The following SPSB1 variants were observed in gnomAD, a reference collection of about 807,000 sequenced individuals.
SPSB1 encodes SPRY domain-containing SOCS box protein 1.
SPSB1 carries 8 observed loss-of-function variants against 21.2 expected under a neutral mutation model. That is an observed-to-expected ratio of 0.38 (90% CI 0.22 to 0.68). The LOEUF is 0.68. SPSB1 is among the 30% of genes least tolerant of loss of function. The pLI, the probability that SPSB1 is intolerant of heterozygous loss-of-function variation, is 0.53. For synonymous variants in SPSB1, 169 were observed against 161.7 expected, an observed-to-expected ratio of 1.05 and a Z score of -0.34; for missense variants, 242 against 377.8, an observed-to-expected ratio of 0.64 and a Z score of 2.98.
Position 9,362,091 on chromosome 1 carries a change from C to T in SPSB1, c.695-5357C>T, listed in dbSNP as rs1338578733. ...TCTCCTCAAGATCAGAGCCTCCTCCCGGGTGCCTCCTTCCTGCACTCCACT... is the reference window on the plus strand; with the variant it reads ...TCTCCTCAAGATCAGAGCCTCCTCCTGGGTGCCTCCTTCCTGCACTCCACT... On this transcript the variant is annotated intron_variant, in intron 2 of 2. Transcript: ENST00000328089. Among the ~76,000 whole-genome samples, 15 of 152,348 alleles carry T rather than the reference C, an allele frequency of 9.8e-5. 1 individual carries two copies. The South Asian group carries it at 1.9e-3, about 19-fold the overall frequency.
At chr1:9,338,643 G>C (rs776804247) in intron 1 of SPSB1, among the ~76,000 whole-genome samples, 3 of 152,270 alleles carry the variant, frequency 2.0e-5, no homozygotes, top group Non-Finnish European at 4.4e-5. Flanking sequence ...AAGGGTCTGG[G>C]AAGGGAATCG....
Position 9,356,735 on chromosome 1 carries a change from C to A in SPSB1, c.694+150C>A. 1 of 1,310,016 alleles carries A rather than the reference C, an allele frequency of 7.6e-7. No individual in the cohort carries two copies. Among genetic ancestry groups the A allele is most frequent in the Non-Finnish European group, 1.0e-6 (1 of 995,020 alleles). 81.1% of individuals were successfully genotyped at this position (1,310,016 alleles called of 1,614,324 possible). A position where few individuals can be genotyped will look rare whatever the true frequency, so the allele number is the denominator to read the frequency against. On this transcript the variant is annotated intron_variant, in intron 2 of 2. Coordinates refer to ENST00000328089, the MANE Select transcript of SPSB1 (RefSeq NM_025106.4). This position sits in a 1 kb window ranked among gnomAD's most constrained non-coding sequence, Gnocchi z 7.4. ...AGACCCTCAGAGGCAACTTTTGCAT[C>A]GGGTTAAGTGAGGAATTCTACCCAG...
chr1:9,362,307 G>A (rs1240653901), intron 2 of SPSB1, among the ~76,000 whole-genome samples: 1 of 152,220 alleles, frequency 6.6e-6, no homozygotes, highest in Non-Finnish European at 1.5e-5. Context: ...GGGGGGATAG[G>A]GGACCAAGGG....
chr1:9,347,576 G>A (rs568498752), intron 1 of SPSB1, among the ~76,000 whole-genome samples: 34 of 152,298 alleles, frequency 2.2e-4, no homozygotes, highest in African/African-American at 7.2e-4. Context: ...TTTCAGAAAC[G>A]GCATCATGAT....
chr1:9,309,613 C>T (rs563713939), intron 1 of SPSB1, among the ~76,000 whole-genome samples: 85 of 152,236 alleles, frequency 5.6e-4, no homozygotes, highest in African/African-American at 1.9e-3. Flanking sequence ...GAGGCCGAGA[C>T]GGGTGGATCA....
At position 9,356,591 on chromosome 1, in the gene SPSB1, T is replaced by C. The variant is rs1180898567; in HGVS notation, c.694+6T>C. The C allele has an allele frequency of 1.3e-6, 2 of 1,577,184 alleles. No homozygotes were observed. Among genetic ancestry groups the C allele is most frequent in the Non-Finnish European group, 1.7e-6 (2 of 1,157,616 alleles). On this transcript the variant is annotated splice_donor_region_variant and intron_variant, in intron 2 of 2. Transcript: ENST00000328089. This position sits in a 1 kb window ranked among gnomAD's most constrained non-coding sequence, Gnocchi z 7.4. The stretch of plus-strand genomic sequence containing the variant: ...CTACTTGAACGGACTCGATCGTAAG[T>C]GTCTCCTCTGCTGTCAGAGGCAATG...
chr1:9,323,231 G>A (rs937489214), intron 1 of SPSB1, among the ~76,000 whole-genome samples: 1 of 152,236 alleles, frequency 6.6e-6, no homozygotes, highest in Non-Finnish European at 1.5e-5. Context: ...GGCTGGGCTG[G>A]CGGCTTTGAG....
intron 2 of SPSB1, among the ~76,000 whole-genome samples, chr1:9,364,850 T>C (rs191687280): frequency 4.2e-4 from 60 of 142,450 alleles, no homozygotes; most frequent in Non-Finnish European, 7.1e-4. Context: ...TTGTTGTCGT[T>C]GTTGTTGTTG....
In SPSB1 at chr1:9,346,255, C is replaced by T. The variant is rs1379601264; in HGVS notation, c.-149-9488C>T. Among the ~76,000 whole-genome samples the T allele has an allele frequency of 6.6e-6, 1 of 152,240 alleles. No individual in the cohort carries two copies. The highest frequency in any genetic ancestry group is 1.5e-5 in the Non-Finnish European group (1 of 68,050). On this transcript the variant is annotated intron_variant, in intron 1 of 2. Transcript: ENST00000328089. This position sits in a 1 kb window ranked among gnomAD's most constrained non-coding sequence, Gnocchi z 4.4. ...GAAAGGAGGCTTTATAAATAGGTCA[C>T]CTTGTTCCACATCCTGAATTTCATT...
At chr1:9,325,328 G>A (rs564354662) in intron 1 of SPSB1, among the ~76,000 whole-genome samples, 1 of 152,150 alleles carries the variant, frequency 6.6e-6, no homozygotes. Context: ...GGCTGTGTGG[G>A]ATTGAGCTCT....
At chr1:9,339,206 T>C in intron 1 of SPSB1, 1 of 985,354 alleles carries the variant, frequency 1.0e-6, no homozygotes, top group Non-Finnish European at 1.2e-6. Flanking sequence ...CCTGTGGGGC[T>C]TTTCTCCTGG....
intron 1 of SPSB1, among the ~76,000 whole-genome samples, chr1:9,298,762 C>T (rs1328188884): frequency 3.3e-5 from 5 of 152,208 alleles, no homozygotes; most frequent in East Asian, 1.9e-4. Flanking sequence ...TGGTGGCTCC[C>T]GTGGATCCCT....
intron 1 of SPSB1, among the ~76,000 whole-genome samples, chr1:9,308,235 G>A (rs1281932351): frequency 6.6e-6 from 1 of 152,188 alleles, no homozygotes; most frequent in South Asian, 2.1e-4. Flanking sequence ...AGTGCTGTTG[G>A]GGCAGTGCTG....
intron 1 of SPSB1, among the ~76,000 whole-genome samples, chr1:9,326,664 T>C (rs1399536610): frequency 1.3e-5 from 2 of 152,178 alleles, no homozygotes; most frequent in African/African-American, 4.8e-5. Flanking sequence ...AAGAAGCCAC[T>C]GAGGCTAAGC....
rs974889448 is a variant in SPSB1 at position 9,294,284 on chromosome 1, G to C, written c.-150+1213G>C. Among the ~76,000 whole-genome samples the C allele has an allele frequency of 9.2e-5, 14 of 151,958 alleles. 1 individual carries two copies. The East Asian group carries it at 2.1e-3, about 23-fold the overall frequency. On this transcript the variant is annotated intron_variant, in intron 1 of 2. Transcript: ENST00000328089. The stretch of plus-strand genomic sequence containing the variant: ...CACGTGTCTCTGTGTCTGTCTCTGT[G>C]TCTGTGTCTCTGAGTGCGTCTGTGT...
chr1:9,323,095 G>A (rs555334642), intron 1 of SPSB1, among the ~76,000 whole-genome samples: 171 of 152,300 alleles, frequency 1.1e-3, no homozygotes, highest in African/African-American at 4.0e-3. Flanking sequence ...CCCAGCTCCG[G>A]CCTTCGAGGA....
intron 1 of SPSB1, among the ~76,000 whole-genome samples, chr1:9,338,628 T>A (rs924241228): frequency 4.6e-5 from 7 of 152,252 alleles, no homozygotes; most frequent in African/African-American, 7.2e-5. Flanking sequence ...TGGTCACAGC[T>A]GGAAAAGGGT....
intron 1 of SPSB1, among the ~76,000 whole-genome samples, chr1:9,328,246 G>C (rs1236100653): frequency 6.6e-6 from 1 of 152,212 alleles, no homozygotes; most frequent in Non-Finnish European, 1.5e-5. Context: ...TGAAACAGCT[G>C]AGCCCAAAGA....
At chr1:9,320,813 T>C (rs936837576) in intron 1 of SPSB1, among the ~76,000 whole-genome samples, 23 of 152,146 alleles carry the variant, frequency 1.5e-4, no homozygotes, top group African/African-American at 5.5e-4. Flanking sequence ...TTTAAATTTA[T>C]GTCACTGGTG....
Sources: allele counts gnomAD v4.1 joint callset (sites outside exome capture counted in the v4.1 genomes callset), GRCh38; gene constraint gnomAD v4.1.1; non-coding constraint Gnocchi (gnomAD v3.1); transcripts MANE v1.5; gene names NCBI Gene and HGNC (gene_info 2026-07-23, HGNC 2026-07-21).